SDK2: variants seen among roughly 807,000 people sequenced by gnomAD.
SDK2 encodes protein sidekick-2.
In SDK2, 105 loss-of-function variants were observed where a neutral mutation model predicts 253.9. The ratio of observed to expected loss-of-function variants is 0.41; its 90% confidence interval spans 0.35 to 0.49. SDK2 has a LOEUF of 0.49. Ranked by LOEUF, SDK2 falls within the 20% of genes least tolerant of loss-of-function variation. SDK2 has a pLI of 0.06. For synonymous variants in SDK2, 1,249 were observed against 1,234.9 expected (o/e 1.01, Z -0.24); for missense variants, 2,608 against 3,003.0 (o/e 0.87, Z 3.07).
intron 1 of SDK2, among the ~76,000 whole-genome samples, chr17:73,619,871 T>A (rs894929801): frequency 1.3e-5 from 2 of 152,110 alleles, no homozygotes; most frequent in African/African-American, 4.8e-5. Flanking sequence ...ACCTTACAAC[T>A]GAACAACAAC....
intron 1 of SDK2, among the ~76,000 whole-genome samples, chr17:73,552,865 G>T (rs762996281): frequency 5.9e-5 from 9 of 152,246 alleles, no homozygotes; most frequent in Admixed American, 2.0e-4. Context: ...TCCTTGGCAA[G>T]TTCTCAACTC....
At position 73,380,935 on chromosome 17, in the gene SDK2, C is replaced by A. The variant is rs764376018; in HGVS notation, c.4721G>T (p.Arg1574Leu). ...WAELTSMYSM[R>L]NLSRPSLTQY... ...CGTGAGGCTGGGCCGGCTCAGGTTC[C>A]GCATGGAGTACATGGCTATGGGGTG... Residue 1574 changes from arginine to leucine, a missense_variant, in exon 34 of 45, where the codon CGG (arginine) becomes CTG (leucine). Transcript: ENST00000392650. 2.5e-5 allele frequency: 38 copies of A among 1,496,576 alleles called. No individual in the cohort carries two copies. The highest frequency in any genetic ancestry group is 3.2e-5 in the Non-Finnish European group (35 of 1,110,468). The allele number at this position is 1,496,576 out of a possible 1,614,324, so 92.7% of individuals were successfully genotyped here.
At chr17:73,514,917 A>G (rs1469662006) in intron 1 of SDK2, among the ~76,000 whole-genome samples, 1 of 152,152 alleles carries the variant, frequency 6.6e-6, no homozygotes, top group African/African-American at 2.4e-5. Flanking sequence ...CCCCTGGTGG[A>G]CCACACACCT....
At chr17:73,583,479 C>T (rs2045563107) in intron 1 of SDK2, among the ~76,000 whole-genome samples, 2 of 152,150 alleles carry the variant, frequency 1.3e-5, no homozygotes, top group South Asian at 4.1e-4. Context: ...AAGGCATGGC[C>T]AGCTCCCCAC....
chr17:73,571,589 G>T (rs2045387605), intron 1 of SDK2, among the ~76,000 whole-genome samples: 1 of 152,210 alleles, frequency 6.6e-6, no homozygotes, highest in Non-Finnish European at 1.5e-5. Flanking sequence ...AGCCATTACA[G>T]CTCACTTAGC....
intron 37 of SDK2, 90 bp downstream of exon 37, chr17:73,368,317 T>G: frequency 8.2e-7 from 1 of 1,222,616 alleles, no homozygotes; most frequent in Non-Finnish European, 1.1e-6. Flanking sequence ...GCTGCCCCCA[T>G]GCCTGCCAAG....
At chr17:73,484,996 G>T (rs1303646303) in intron 2 of SDK2, among the ~76,000 whole-genome samples, 1 of 152,156 alleles carries the variant, frequency 6.6e-6, no homozygotes, top group East Asian at 1.9e-4. Flanking sequence ...TGGCTTTAGG[G>T]ACTACCTTAG....
chr17:73,385,729 C>T, intron 32 of SDK2, 118 bp downstream of exon 32: 4 of 911,958 alleles, frequency 4.4e-6, no homozygotes, highest in Non-Finnish European at 7.0e-6. Context: ...TTCCCAGGCG[C>T]TCTGGGGGCA....
intron 6 of SDK2, among the ~76,000 whole-genome samples, chr17:73,438,794 C>T (rs549140947): frequency 6.6e-6 from 1 of 152,148 alleles, no homozygotes; most frequent in African/African-American, 2.4e-5. Context: ...CCTGGTGGGT[C>T]CCTGAGGACG....
In SDK2 at chr17:73,398,028, G is replaced by T; in HGVS notation, c.3354+7C>A. 1 of 1,609,944 alleles carries T rather than the reference G, an allele frequency of 6.2e-7. No individual in the cohort carries two copies. Among genetic ancestry groups the T allele is most frequent in the Non-Finnish European group, 8.5e-7 (1 of 1,179,820 alleles). On this transcript the variant is annotated splice_region_variant and intron_variant, in intron 24 of 44. Transcript: ENST00000392650. The stretch of plus-strand genomic sequence containing the variant: ...AGGTCCCACCCCTGCCCTCGAGGGA[G>T]CCTTACCATCCAGCGCAGCCACAGG...
chr17:73,358,728 C>T (rs1371746192), intron 39 of SDK2, among the ~76,000 whole-genome samples: 2 of 152,082 alleles, frequency 1.3e-5, no homozygotes, highest in East Asian at 1.9e-4. Context: ...GATGTCCGCC[C>T]TCCCTCATTC....
At chr17:73,471,117 G>A (rs921969078) in intron 3 of SDK2, among the ~76,000 whole-genome samples, 5 of 152,202 alleles carry the variant, frequency 3.3e-5, no homozygotes, top group Admixed American at 2.0e-4. Context: ...TACCCACAAA[G>A]GCTTGGTGAG....
At chr17:73,636,680 C>CAAAAAAAAAAAAA (rs561026344) in intron 1 of SDK2, among the ~76,000 whole-genome samples, 1 of 50,986 alleles carries the variant, frequency 2.0e-5, no homozygotes, top group Non-Finnish European at 3.6e-5. Flanking sequence ...GACTCTGTCT[C>CAAAAAAAAAAAAA]AAAAAAAAAA....
At chr17:73,456,821 G>A (rs1464925768) in intron 3 of SDK2, among the ~76,000 whole-genome samples, 1 of 152,234 alleles carries the variant, frequency 6.6e-6, no homozygotes, top group East Asian at 1.9e-4. Flanking sequence ...GGCGGGACAA[G>A]GGGGTAGGGA....
At chr17:73,578,698 G>C (rs2045491551) in intron 1 of SDK2, among the ~76,000 whole-genome samples, 1 of 152,170 alleles carries the variant, frequency 6.6e-6, no homozygotes, top group Admixed American at 6.5e-5. Flanking sequence ...GTCAGGGGCA[G>C]GGATTGGGGT....
intron 36 of SDK2, among the ~76,000 whole-genome samples, chr17:73,374,977 G>C (rs2062765411): frequency 6.6e-6 from 1 of 152,092 alleles, no homozygotes; most frequent in African/African-American, 2.4e-5. Context: ...TCCACTCAGA[G>C]GACTTCACTC....
Position 73,476,907 on chromosome 17 carries a change from C to T in SDK2, c.225-4689G>A, listed in dbSNP as rs116375676. Among the ~76,000 whole-genome samples the T allele has an allele frequency of 9.6e-3, 1,462 of 152,314 alleles. 25 individuals are homozygous for T. Among genetic ancestry groups the T allele is most frequent in the African/African-American group, 0.033 (1,364 of 41,584 alleles). On this transcript the variant is annotated intron_variant, in intron 2 of 44. Transcript: ENST00000392650. ...CGAGGGCAGGTAATCCCTGCCCCAG[C>T]AGTGCGGGTACAACCTCTCTCCCGC...
At chr17:73,543,487 T>C (rs1405651826) in intron 1 of SDK2, among the ~76,000 whole-genome samples, 1 of 152,190 alleles carries the variant, frequency 6.6e-6, no homozygotes, top group Non-Finnish European at 1.5e-5. Context: ...AGCCCAATGA[T>C]TGCTTCCTCC....
intron 36 of SDK2, among the ~76,000 whole-genome samples, chr17:73,375,545 C>A (rs967779338): frequency 6.6e-6 from 1 of 152,154 alleles, no homozygotes; most frequent in African/African-American, 2.4e-5. Context: ...CTGAGCCCAG[C>A]CCTTAACAAC....
Sources: gnomAD v4.1 joint callset for allele counts (sites outside exome capture counted in the v4.1 genomes callset) on GRCh38, gnomAD v4.1.1 for gene constraint, MANE v1.5 for transcripts, NCBI Gene and HGNC (gene_info 2026-07-23, HGNC 2026-07-21) for gene names.